SUCNR1: variants seen among roughly 807,000 people sequenced by gnomAD.
SUCNR1 encodes succinate receptor 1.
SUCNR1 carries 5 observed loss-of-function variants against 2.4 expected under a neutral mutation model. That is an observed-to-expected ratio of 2.07 (90% confidence interval 1.08 to 4.36). SUCNR1 has a LOEUF of 4.36. Among genes scored for constraint, SUCNR1 ranks in the 30% most tolerant of loss-of-function variants. SUCNR1 has a pLI of 0.00. For synonymous variants in SUCNR1, 162 were observed against 143.9 expected (o/e 1.13, Z -0.90); for missense variants, 373 against 399.2 (o/e 0.93, Z 0.56).
chr3:151,873,775 T>C (rs1211423797), intron 1 of SUCNR1, 69 bp downstream of exon 1: 1 of 152,504 alleles, frequency 6.6e-6, no homozygotes, highest in Admixed American at 6.6e-5. Context: ...AAAGGTGACC[T>C]GTGAGCAATT....
chr3:151,875,112 T>A (rs1717885357), intron 1 of SUCNR1, among the ~76,000 whole-genome samples: 1 of 152,272 alleles, frequency 6.6e-6, no homozygotes, highest in South Asian at 2.1e-4. Context: ...TTCTAACAGT[T>A]TTAGATATAT....
chr3:151,880,393 T>G (rs969580312), intron 2 of SUCNR1, among the ~76,000 whole-genome samples, 166 bp from the exon 3 acceptor site: 1 of 151,718 alleles, frequency 6.6e-6, no homozygotes, highest in Admixed American at 6.5e-5. Context: ...TTTGTTAAAA[T>G]AATACATTAA....
rs1193504314 is a variant in SUCNR1, at chr3:151,884,467, T to C, written c.*2919T>C. On this transcript the variant is annotated 3_prime_UTR_variant, in exon 3 of 3. Transcript: ENST00000362032. The stretch of plus-strand genomic sequence containing the variant: ...GAGTCATAATTTTCCTGTTTCTCTA[T>C]ATGCCTAGTAAATTAGAATTTTATT... 6.6e-6 allele frequency: 1 copy of C among 152,246 alleles called. No individual in the cohort carries two copies. The highest frequency in any genetic ancestry group is 1.5e-5 in the Non-Finnish European group (1 of 68,044). 9.4% of individuals were successfully genotyped at this position (152,246 alleles called of 1,614,324 possible). A position where few individuals can be genotyped will look rare whatever the true frequency, so the allele number is the denominator to read the frequency against.
intron 1 of SUCNR1, among the ~76,000 whole-genome samples, chr3:151,874,148 T>A (rs7637124): frequency 0.043 from 1,401 of 32,792 alleles, 1 homozygote; most frequent in Non-Finnish European, 0.053. Flanking sequence ...ATATATATAT[T>A]TTTTTTTTTT....
chr3:151,878,449 T>C (rs1717986785), intron 1 of SUCNR1, among the ~76,000 whole-genome samples: 1 of 152,126 alleles, frequency 6.6e-6, no homozygotes, highest in Admixed American at 6.6e-5. Flanking sequence ...ATGCTCTCTA[T>C]CTCAATGAAC....
chr3:151,880,445 CCTA>C, intron 2 of SUCNR1, 111 bp from the exon 3 acceptor site: 3 of 765,452 alleles, frequency 3.9e-6, no homozygotes, highest in Non-Finnish European at 4.3e-6. Flanking sequence ...ACTGATGTAA[CCTA>C]CTTTCTATAG....
chr3:151,881,610 C>T lies in SUCNR1; in HGVS notation c.*62C>T, dbSNP rs1718102041. 4 of 1,405,538 alleles carry T rather than the reference C, an allele frequency of 2.8e-6. No individual in the cohort carries two copies. The highest frequency in any genetic ancestry group is 3.8e-6 in the Non-Finnish European group (4 of 1,041,988). 87.1% of individuals were successfully genotyped at this position (1,405,538 alleles called of 1,614,324 possible). The stretch of plus-strand genomic sequence containing the variant: ...GTAAGCCAGTTACAGTTTGCCTTAA[C>T]TCATAGACATCAATCAGAGAGTGTC... On this transcript the variant is annotated 3_prime_UTR_variant, in exon 3 of 3. Transcript: ENST00000362032.
intron 1 of SUCNR1, among the ~76,000 whole-genome samples, chr3:151,878,549 AG>A (rs1717990023): frequency 6.6e-6 from 1 of 152,152 alleles, no homozygotes. Context: ...TGAGAAATAT[AG>A]GAATATGCTG....
chr3:151,874,170 T>TTTTTA (rs1717851358), intron 1 of SUCNR1, among the ~76,000 whole-genome samples: 1 of 134,856 alleles, frequency 7.4e-6, no homozygotes, highest in Non-Finnish European at 1.6e-5. Flanking sequence ...TTTTTTTTTT[T>TTTTTA]AAGACAGAGT....
At chr3:151,877,934 G>T (rs1717971530) in intron 1 of SUCNR1, among the ~76,000 whole-genome samples, 1 of 152,126 alleles carries the variant, frequency 6.6e-6, no homozygotes, top group Admixed American at 6.6e-5. Context: ...CTTGAGCCAA[G>T]AAGACTTGAG....
rs200142633 is a variant in SUCNR1, at chr3:151,880,638, T to C, written c.95T>C (p.Ile32Thr). The change falls in exon 3 of 3, where the codon ATT becomes ACT. Residue 32 changes from isoleucine (I) to threonine (T), a missense_variant. Physicochemically the swap from Ile to Thr is moderately conservative, Grantham distance 89 (BLOSUM62 -1). Coordinates refer to ENST00000362032, the MANE Select transcript of SUCNR1 (RefSeq NM_033050.6). ...TACTACCTTTCCATTTTTTATGGGA[T>C]TGAGTTCGTTGTGGGAGTCCTTGGA... Reference protein sequence around the residue: ...EKYYLSIFYGIEFVVGVLGNT... With the variant: ...EKYYLSIFYGTEFVVGVLGNT... 5.0e-6 allele frequency: 8 copies of C among 1,613,954 alleles called. No homozygotes were observed. Among genetic ancestry groups the C allele is most frequent in the Non-Finnish European group, 5.1e-6 (6 of 1,179,946 alleles).
rs1445463999 is a variant in SUCNR1 at position 151,882,431 on chromosome 3, G to C, written c.*883G>C. 2.6e-5 allele frequency: 4 copies of C among 152,070 alleles called. No individual in the cohort carries two copies. Among genetic ancestry groups the C allele is most frequent in the African/African-American group, 4.8e-5 (2 of 41,434 alleles). 9.4% of individuals were successfully genotyped at this position (152,070 alleles called of 1,614,324 possible). A position where few individuals can be genotyped will look rare whatever the true frequency, so the allele number is the denominator to read the frequency against. ...TAAAGTTCATTAGCCTTCTGCTCTT[G>C]ATTTAATAGTGAACTTTAAAATATA... On this transcript the variant is annotated 3_prime_UTR_variant, in exon 3 of 3. Transcript: ENST00000362032.
chr3:151,883,043 A>G lies in SUCNR1; in HGVS notation c.*1495A>G, dbSNP rs930159690. ...TATTCTGATATTTTTAAATCCCCCAATTTTCCCAGTTGATATCTCTAGACT... is the reference window on the plus strand; with the variant it reads ...TATTCTGATATTTTTAAATCCCCCAGTTTTCCCAGTTGATATCTCTAGACT... On this transcript the variant is annotated 3_prime_UTR_variant, in exon 3 of 3. Coordinates refer to ENST00000362032, the MANE Select transcript of SUCNR1 (RefSeq NM_033050.6). 1.3e-5 allele frequency: 2 copies of G among 151,982 alleles called. No homozygotes were observed. Among genetic ancestry groups the G allele is most frequent in the Admixed American group, 6.6e-5 (1 of 15,266 alleles). 9.4% of individuals were successfully genotyped at this position (151,982 alleles called of 1,614,324 possible). A position where few individuals can be genotyped will look rare whatever the true frequency, so the allele number is the denominator to read the frequency against.
Position 151,881,266 on chromosome 3 carries a change from C to T in SUCNR1, c.723C>T (p.Phe241=), listed in dbSNP as rs957761712. The part of the protein sequence containing the change: ...LNLVIMAVVI[F]SVLFTPYHVM... ...TGGTCATCATGGCAGTGGTAATCTTCTCTGTGCTTTTTACACCCTATCACG... is the reference window on the plus strand; with the variant it reads ...TGGTCATCATGGCAGTGGTAATCTTTTCTGTGCTTTTTACACCCTATCACG... The change falls in exon 3 of 3, where the codon TTC becomes TTT. Residue 241 remains phenylalanine (F), a synonymous_variant. Transcript: ENST00000362032. 6.2e-7 allele frequency: 1 copy of T among 1,614,088 alleles called. No individual in the cohort carries two copies. Among genetic ancestry groups the T allele is most frequent in the Admixed American group, 1.7e-5 (1 of 59,998 alleles).
chr3:151,879,100 A>G (rs1305026056), intron 1 of SUCNR1, among the ~76,000 whole-genome samples: 3 of 152,232 alleles, frequency 2.0e-5, no homozygotes, highest in African/African-American at 7.2e-5. Context: ...ACTAGAAATA[A>G]GTAACACTTA....
At position 151,881,240 on chromosome 3, in the gene SUCNR1, T is replaced by G. The variant is rs1422251698; in HGVS notation, c.697T>G (p.Leu233Val). 2 of 1,614,098 alleles carry G rather than the reference T, an allele frequency of 1.2e-6. No homozygotes were observed. The highest frequency in any genetic ancestry group is 1.7e-6 in the Non-Finnish European group (2 of 1,180,026). ...TCTGCCCCTTGAAAAGCCTCTCAAC[T>G]TGGTCATCATGGCAGTGGTAATCTT... is the stretch of plus-strand genomic sequence containing the variant. ...TALPLEKPLN[L>V]VIMAVVIFSV... Residue 233 changes from leucine (L) to valine (V), a missense_variant, in exon 3 of 3, where the codon TTG (leucine) becomes GTG (valine). Leu to Val is a conservative substitution (Grantham distance 32, BLOSUM62 1). This residue lies in a region of SUCNR1 where 157 missense variants were observed against 178.7 expected (regional missense o/e 0.88). Transcript: ENST00000362032.
intron 1 of SUCNR1, among the ~76,000 whole-genome samples, chr3:151,875,962 T>C (rs775432438): frequency 1.3e-5 from 2 of 152,204 alleles, no homozygotes; most frequent in African/African-American, 2.4e-5. Flanking sequence ...TTTCCTTCCA[T>C]TGCAGTCAAA....
At chr3:151,875,173 A>G (rs1717886841) in intron 1 of SUCNR1, among the ~76,000 whole-genome samples, 1 of 152,146 alleles carries the variant, frequency 6.6e-6, no homozygotes, top group Admixed American at 6.5e-5. Context: ...CTTAAAAAAT[A>G]CCTATTCAAA....
rs56171835 is a variant in SUCNR1 at position 151,881,694 on chromosome 3, C to T, written c.*146C>T. 112,896 of 725,846 alleles carry T rather than the reference C, an allele frequency of 0.16. 9,276 individuals carry two copies. Among genetic ancestry groups the T allele is most frequent in the East Asian group, 0.22 (8,147 of 36,918 alleles). 45.0% of individuals were successfully genotyped at this position (725,846 alleles called of 1,614,324 possible). A position where few individuals can be genotyped will look rare whatever the true frequency, so the allele number is the denominator to read the frequency against. On this transcript the variant is annotated 3_prime_UTR_variant, in exon 3 of 3. Coordinates refer to ENST00000362032, the MANE Select transcript of SUCNR1 (RefSeq NM_033050.6). ...CCCAGAGTATGTGAAAAGAATGGGA[C>T]GACAAGAATGTACTGGTTTCTTCCT...
Sources: gnomAD v4.1 joint callset for allele counts (sites outside exome capture counted in the v4.1 genomes callset) on GRCh38, gnomAD v4.1.1 for gene constraint, gnomAD v4.1.1 regional missense constraint, MANE v1.5 for transcripts, NCBI Gene and HGNC (gene_info 2026-07-23, HGNC 2026-07-21) for gene names.